CSMD2: variants seen among roughly 807,000 people sequenced by gnomAD.
CSMD2 encodes CUB and Sushi multiple domains 2.
Under a neutral mutation model 398.5 loss-of-function variants are expected in CSMD2, and 130 were observed. The ratio of observed to expected loss-of-function variants is 0.33; its 90% CI spans 0.28 to 0.38. CSMD2 has a LOEUF of 0.38. Among genes scored for constraint, CSMD2 ranks in the 10% least tolerant of loss-of-function variants. The probability of loss-of-function intolerance (pLI) is 1.00; values close to 1 mark genes in which losing one functional copy is unlikely to be tolerated. For missense variants in CSMD2, 3,829 were observed against 4,764.9 expected (o/e 0.80, Z 5.78); for synonymous variants, 1,828 against 1,908.5 (o/e 0.96, Z 1.10).
At chr1:33,680,918 CT>C (rs66489770) in intron 25 of CSMD2, among the ~76,000 whole-genome samples, 10 of 75,938 alleles carry the variant, frequency 1.3e-4, no homozygotes, top group East Asian at 4.6e-4. Flanking sequence ...CTGTTTTATG[CT>C]TTTTTTTTTT....
intron 3 of CSMD2, among the ~76,000 whole-genome samples, chr1:34,028,561 A>G (rs1443797800): frequency 1.3e-5 from 2 of 152,122 alleles, no homozygotes; most frequent in Non-Finnish European, 2.9e-5. Flanking sequence ...CCTGCCTGTG[A>G]AATGGAGTCA....
intron 5 of CSMD2, among the ~76,000 whole-genome samples, chr1:33,904,944 C>A (rs376846594): frequency 6.6e-6 from 1 of 151,984 alleles, no homozygotes; most frequent in African/African-American, 2.4e-5. Context: ...CCGTGTCCAG[C>A]CGATAGGTTT....
intron 1 of CSMD2, among the ~76,000 whole-genome samples, chr1:34,150,333 C>T (rs1024399074): frequency 1.3e-5 from 2 of 152,116 alleles, no homozygotes; most frequent in African/African-American, 4.8e-5. Flanking sequence ...AAGTCTCCCA[C>T]CTTAGTCTCT....
chr1:34,066,723 G>A (rs186253521), intron 2 of CSMD2, among the ~76,000 whole-genome samples: 1 of 152,152 alleles, frequency 6.6e-6, no homozygotes, highest in African/African-American at 2.4e-5. Context: ...CAGCCAGGGG[G>A]TTGGGTACAC....
chr1:33,570,216 G>A (rs1044731870), intron 51 of CSMD2, among the ~76,000 whole-genome samples: 5 of 145,980 alleles, frequency 3.4e-5, no homozygotes, highest in African/African-American at 7.5e-5. Flanking sequence ...CGTCCAGGCT[G>A]GAGTGCAGTG....
intron 3 of CSMD2, among the ~76,000 whole-genome samples, chr1:33,999,372 T>C (rs1440387532): frequency 2.0e-5 from 3 of 152,142 alleles, no homozygotes; most frequent in Non-Finnish European, 2.9e-5. Flanking sequence ...GGTAACTAGA[T>C]ACTTTTTAAA....
At chr1:33,768,789 C>T (rs1650884866) in intron 13 of CSMD2, among the ~76,000 whole-genome samples, 2 of 152,134 alleles carry the variant, frequency 1.3e-5, no homozygotes, top group South Asian at 4.2e-4. Context: ...AATTTTCCCT[C>T]CCTTGACCTC....
chr1:33,819,659 C>T (rs1570107203), intron 9 of CSMD2, 54 bp downstream of exon 9: 1 of 1,567,572 alleles, frequency 6.4e-7, no homozygotes, highest in East Asian at 2.3e-5. Flanking sequence ...GGGCTTCAGC[C>T]TCCAGGCTCA....
chr1:33,697,971 A>C (rs1246987697), intron 24 of CSMD2, among the ~76,000 whole-genome samples: 1 of 152,150 alleles, frequency 6.6e-6, no homozygotes, highest in African/African-American at 2.4e-5. Flanking sequence ...AGACACGTTG[A>C]GGTTGTGGGA....
intron 2 of CSMD2, among the ~76,000 whole-genome samples, chr1:34,048,327 C>T (rs939585303): frequency 6.6e-6 from 1 of 152,186 alleles, no homozygotes; most frequent in South Asian, 2.1e-4. Context: ...CAAGGCAGCC[C>T]TTAAAGTTTG....
At chr1:33,820,014 C>G (rs970900792) in intron 8 of CSMD2, among the ~76,000 whole-genome samples, 177 bp from the exon 9 acceptor site, 1 of 152,206 alleles carries the variant, frequency 6.6e-6, no homozygotes. Context: ...TCTTCATCTT[C>G]TTTTTTCGGA....
At chr1:33,550,118 C>A in intron 56 of CSMD2, 59 bp downstream of exon 56, 1 of 1,559,070 alleles carries the variant, frequency 6.4e-7, no homozygotes, top group Non-Finnish European at 8.8e-7. Context: ...GGGGGCTCGT[C>A]TACCTCCCAT....
At chr1:33,715,632 G>T (rs1646140945) in intron 20 of CSMD2, among the ~76,000 whole-genome samples, 1 of 152,148 alleles carries the variant, frequency 6.6e-6, no homozygotes, top group Non-Finnish European at 1.5e-5. Context: ...CTAGAAGCTG[G>T]ATACCTCTTG....
At chr1:34,113,478 C>A (rs769733275) in intron 1 of CSMD2, among the ~76,000 whole-genome samples, 1 of 152,238 alleles carries the variant, frequency 6.6e-6, no homozygotes, top group Admixed American at 6.5e-5. Context: ...TCACATGCCC[C>A]ATGGTCACTT....
intron 3 of CSMD2, among the ~76,000 whole-genome samples, chr1:33,959,651 C>T (rs1177153005): frequency 2.6e-5 from 4 of 152,160 alleles, no homozygotes; most frequent in Non-Finnish European, 5.9e-5. Context: ...TAGGGGCCTT[C>T]AGGTGGCTCC....
At chr1:33,783,431 T>TCTCTCTCTCTC (rs1653056945) in intron 12 of CSMD2, among the ~76,000 whole-genome samples, 1 of 135,150 alleles carries the variant, frequency 7.4e-6, no homozygotes, top group African/African-American at 2.9e-5. Flanking sequence ...CATTCTCTCA[T>TCTCTCTCTCTC]TCTCTCTCTC....
intron 4 of CSMD2, 60 bp downstream of exon 4, chr1:33,935,700 G>T: frequency 6.7e-7 from 1 of 1,492,420 alleles, no homozygotes; most frequent in Admixed American, 2.2e-5. Context: ...GTCACTGGAA[G>T]CTCCAGCATC....
Position 34,128,617 on chromosome 1 carries a change from C to G in CSMD2, c.187+36294G>C, listed in dbSNP as rs1242331095. ...CCGCCTCCCTGAAGGACCCACACAG[C>G]CTGGCAGGCTCTGTGCAGCTGTCGG... On this transcript the variant is annotated intron_variant, in intron 1 of 70. Coordinates refer to ENST00000373381, the MANE Select transcript of CSMD2 (RefSeq NM_001281956.2). Among the ~76,000 whole-genome samples the G allele has an allele frequency of 3.3e-5, 5 of 152,212 alleles. No homozygotes were observed. In the East Asian group the frequency reaches 7.7e-4, roughly 23 times the overall value.
At chr1:34,061,008 T>G (rs114955075) in intron 2 of CSMD2, among the ~76,000 whole-genome samples, 4,927 of 152,202 alleles carry the variant, frequency 0.032, 108 homozygotes, top group Non-Finnish European at 0.049. Context: ...CCATAATCCG[T>G]AGCCGTGGAA....
Sources: gnomAD v4.1 joint callset for allele counts (sites outside exome capture counted in the v4.1 genomes callset) on GRCh38, gnomAD v4.1.1 for gene constraint, MANE v1.5 for transcripts, NCBI Gene and HGNC (gene_info 2026-07-23, HGNC 2026-07-21) for gene names.